The following MARCHF8 variants were observed in gnomAD, a reference collection of about 807,000 sequenced individuals.
MARCHF8 encodes the protein membrane associated ring-CH-type finger 8.
A neutral mutation model predicts 51.6 loss-of-function variants in MARCHF8; 40 were observed. That is an observed-to-expected ratio of 0.77 (90% CI 0.60 to 1.01). MARCHF8 has a LOEUF of 1.01. Among genes scored for constraint, MARCHF8 ranks in the 50% least tolerant of loss-of-function variants. The pLI is 0.00. For synonymous variants in MARCHF8, 263 were observed against 280.3 expected, an observed-to-expected ratio of 0.94 and a Z score of 0.62; for missense variants, 685 against 708.6, an observed-to-expected ratio of 0.97 and a Z score of 0.38.
At chr10:45,532,989 G>A (rs759277438) in intron 2 of MARCHF8, 121 bp downstream of exon 2, 17 of 643,614 alleles carry the variant, frequency 2.6e-5, no homozygotes, top group Non-Finnish European at 3.5e-5. Context: ...ACAACTATTT[G>A]TGTGCTTGTC....
chr10:45,523,427 G>A (rs1409342543), intron 2 of MARCHF8, among the ~76,000 whole-genome samples: 2 of 152,204 alleles, frequency 1.3e-5, no homozygotes, highest in African/African-American at 4.8e-5. Context: ...AGGAGGCTGG[G>A]ATGGGAGGAT....
intron 1 of MARCHF8, among the ~76,000 whole-genome samples, chr10:45,550,674 G>A (rs1350703663): frequency 6.6e-6 from 1 of 151,360 alleles, no homozygotes; most frequent in African/African-American, 2.4e-5. Context: ...AAGGACCCCT[G>A]TACATGCCAT....
At chr10:45,566,538 C>T (rs2044366751) in intron 1 of MARCHF8, among the ~76,000 whole-genome samples, 1 of 152,138 alleles carries the variant, frequency 6.6e-6, no homozygotes, top group South Asian at 2.1e-4. Flanking sequence ...TCTTTCTGTG[C>T]CTGGCTTATT....
At chr10:45,559,071 G>C (rs1430152660) in intron 1 of MARCHF8, among the ~76,000 whole-genome samples, 1 of 152,144 alleles carries the variant, frequency 6.6e-6, no homozygotes, top group African/African-American at 2.4e-5. Context: ...TTATTCAGGA[G>C]GAATATGTAT....
chr10:45,538,586 G>A (rs1227868239), upstream of MARCHF8, among the ~76,000 whole-genome samples: 4 of 152,132 alleles, frequency 2.6e-5, no homozygotes, highest in African/African-American at 9.7e-5. Flanking sequence ...CACGTGTAGA[G>A]ACACACATAG....
intron 1 of MARCHF8, among the ~76,000 whole-genome samples, chr10:45,584,065 T>C (rs12766764): frequency 0.054 from 7,404 of 136,074 alleles, 284 homozygotes; most frequent in Non-Finnish European, 0.063. Context: ...TAAGTCTATA[T>C]AGTAAAACAG....
chr10:45,531,865 C>T (rs1226447006), intron 2 of MARCHF8, among the ~76,000 whole-genome samples: 1 of 152,160 alleles, frequency 6.6e-6, no homozygotes, highest in Admixed American at 6.6e-5. Flanking sequence ...TTGGGTTGAA[C>T]CTGTGCCAGG....
At chr10:45,518,673 C>T (rs555971212) in intron 2 of MARCHF8, among the ~76,000 whole-genome samples, 2 of 152,218 alleles carry the variant, frequency 1.3e-5, no homozygotes. Flanking sequence ...CAACTCCTAA[C>T]AGATTGCCCA....
chr10:45,464,863 G>A (rs573662221), intron 3 of MARCHF8, among the ~76,000 whole-genome samples: 3 of 152,288 alleles, frequency 2.0e-5, no homozygotes, highest in East Asian at 1.9e-4. Context: ...TCCAGACCAC[G>A]TCACCATGGG....
At chr10:45,465,049 T>TA (rs1472054240) in intron 3 of MARCHF8, among the ~76,000 whole-genome samples, 1 of 151,804 alleles carries the variant, frequency 6.6e-6, no homozygotes, top group Non-Finnish European at 1.5e-5. Context: ...TAGTCAAACT[T>TA]AGAGAAAAAA....
chr10:45,476,428 C>G (rs1481336412), intron 3 of MARCHF8, among the ~76,000 whole-genome samples: 1 of 151,996 alleles, frequency 6.6e-6, no homozygotes, highest in Non-Finnish European at 1.5e-5. Context: ...ATTAGCTGGG[C>G]ATGGTGATGT....
intron 3 of MARCHF8, among the ~76,000 whole-genome samples, chr10:45,486,027 C>T (rs1564478483): frequency 6.6e-6 from 1 of 152,222 alleles, no homozygotes. Context: ...CCTGCCCTCC[C>T]TTCCTTGGTC....
intron 3 of MARCHF8, among the ~76,000 whole-genome samples, chr10:45,473,451 G>C (rs17157854): frequency 0.033 from 4,962 of 152,320 alleles, 291 homozygotes; most frequent in African/African-American, 0.11. Context: ...TCTCCCTGGG[G>C]TAAGTGCTGC....
chr10:45,555,421 T>C (rs1471215906), intron 1 of MARCHF8, among the ~76,000 whole-genome samples: 1 of 151,910 alleles, frequency 6.6e-6, no homozygotes, highest in Non-Finnish European at 1.5e-5. Flanking sequence ...GCAATGAACT[T>C]AAGAAATCAT....
At chr10:45,592,217 C>T (rs926086592) in intron 1 of MARCHF8, among the ~76,000 whole-genome samples, 1 of 151,888 alleles carries the variant, frequency 6.6e-6, no homozygotes, top group African/African-American at 2.4e-5. Flanking sequence ...AAATTACACT[C>T]CTTGAAAAAG....
chr10:45,498,047 T>C (rs1315751223), intron 2 of MARCHF8, among the ~76,000 whole-genome samples: 1 of 152,246 alleles, frequency 6.6e-6, no homozygotes, highest in Non-Finnish European at 1.5e-5. Flanking sequence ...TTATACTTAA[T>C]GGTGAAAGAT....
At chr10:45,485,230 G>C (rs1283298252) in intron 3 of MARCHF8, among the ~76,000 whole-genome samples, 1 of 152,160 alleles carries the variant, frequency 6.6e-6, no homozygotes, top group African/African-American at 2.4e-5. Context: ...TTACATGTGG[G>C]GTGAAGGTGC....
chr10:45,549,427 G>A (rs2044169343), intron 1 of MARCHF8, among the ~76,000 whole-genome samples: 1 of 152,232 alleles, frequency 6.6e-6, no homozygotes, highest in Non-Finnish European at 1.5e-5. Context: ...CAGCAGGGAA[G>A]GCAGGGCCTT....
intron 1 of MARCHF8, among the ~76,000 whole-genome samples, chr10:45,542,128 G>A (rs756016609): frequency 2.8e-4 from 42 of 152,042 alleles, no homozygotes; most frequent in African/African-American, 9.4e-4. Context: ...GGCAGATCAC[G>A]AGGTCAGGAA....
Sources: gnomAD v4.1 joint callset for allele counts (sites outside exome capture counted in the v4.1 genomes callset) on GRCh38, gnomAD v4.1.1 for gene constraint, MANE v1.5 for transcripts, NCBI Gene and HGNC (gene_info 2026-07-23, HGNC 2026-07-21) for gene names.